The following SGCZ variants were observed in gnomAD, a reference collection of about 807,000 sequenced individuals.
SGCZ encodes the protein sarcoglycan zeta, also known as zeta-sarcoglycan.
Under a neutral mutation model 41.3 loss-of-function variants are expected in SGCZ, and 40 were observed. The ratio of observed to expected loss-of-function variants is 0.97; its 90% CI spans 0.75 to 1.26. The LOEUF is 1.26. Ranked by LOEUF, SGCZ falls within the 50% of genes most tolerant of loss-of-function variation. The probability of loss-of-function intolerance (pLI) is 0.00; values close to 1 mark genes in which losing one functional copy is unlikely to be tolerated. For synonymous variants in SGCZ, 206 were observed against 137.5 expected (o/e 1.50, Z -3.49); for missense variants, 552 against 369.8 (o/e 1.49, Z -4.04).
chr8:15,145,489 C>T (rs373900823), intron 1 of SGCZ, among the ~76,000 whole-genome samples: 2 of 152,112 alleles, frequency 1.3e-5, no homozygotes, highest in African/African-American at 4.8e-5. Flanking sequence ...TTTTTTTACA[C>T]AGTTTCTCAC....
chr8:14,763,113 C>A (rs895613028), intron 1 of SGCZ, among the ~76,000 whole-genome samples: 1 of 152,114 alleles, frequency 6.6e-6, no homozygotes, highest in Non-Finnish European at 1.5e-5. Context: ...TTCCTAAGTT[C>A]TTTAAAATGT....
At chr8:14,373,996 T>A (rs575143048) in intron 2 of SGCZ, among the ~76,000 whole-genome samples, 1 of 152,022 alleles carries the variant, frequency 6.6e-6, no homozygotes, top group East Asian at 1.9e-4. Flanking sequence ...AATAAAAAAA[T>A]ACACAGATAT....
At chr8:14,707,301 A>G (rs1809364558) in intron 1 of SGCZ, among the ~76,000 whole-genome samples, 1 of 151,732 alleles carries the variant, frequency 6.6e-6, no homozygotes, top group Admixed American at 6.6e-5. Flanking sequence ...TTTTTTAAAA[A>G]GTCAGTGAGC....
At chr8:14,704,694 G>C (rs150586842) in intron 1 of SGCZ, among the ~76,000 whole-genome samples, 154 of 151,846 alleles carry the variant, frequency 1.0e-3, no homozygotes, top group African/African-American at 3.4e-3. Flanking sequence ...GCATATACTT[G>C]TATAAAATGC....
intron 4 of SGCZ, among the ~76,000 whole-genome samples, chr8:14,216,511 G>C (rs1805998638): frequency 6.6e-6 from 1 of 152,126 alleles, no homozygotes; most frequent in Non-Finnish European, 1.5e-5. Flanking sequence ...GATGCAAAAA[G>C]TTTTCAACAA....
At chr8:14,498,715 C>T (rs970026327) in intron 2 of SGCZ, among the ~76,000 whole-genome samples, 2 of 151,914 alleles carry the variant, frequency 1.3e-5, no homozygotes, top group Middle Eastern at 3.2e-3. Context: ...TATGTTATTA[C>T]TTATTTGTGT....
intron 1 of SGCZ, among the ~76,000 whole-genome samples, chr8:14,638,643 G>C (rs1806914451): frequency 6.6e-6 from 1 of 151,646 alleles, no homozygotes; most frequent in Non-Finnish European, 1.5e-5. Context: ...CCTTTTCTCA[G>C]GACTATGAAC....
chr8:14,806,380 A>T (rs1801529878), intron 1 of SGCZ, among the ~76,000 whole-genome samples: 1 of 150,856 alleles, frequency 6.6e-6, no homozygotes, highest in Non-Finnish European at 1.5e-5. Flanking sequence ...TAGACACAAT[A>T]AAAAATGATA....
chr8:14,912,008 T>C (rs1040219493), intron 1 of SGCZ, among the ~76,000 whole-genome samples: 4 of 152,030 alleles, frequency 2.6e-5, no homozygotes, highest in Non-Finnish European at 5.9e-5. Context: ...TCTTTGTCCC[T>C]ATATTCAAGG....
chr8:14,976,026 A>G (rs890203711), intron 1 of SGCZ, among the ~76,000 whole-genome samples: 1 of 143,278 alleles, frequency 7.0e-6, no homozygotes, highest in African/African-American at 2.5e-5. Flanking sequence ...ACACATATAT[A>G]TTTTTTTTTT....
In SGCZ at chr8:14,577,399, T is replaced by C. The variant is rs527432615; in HGVS notation, c.40-22473A>G. On this transcript the variant is annotated intron_variant, in intron 1 of 7. Coordinates refer to ENST00000382080, the MANE Select transcript of SGCZ (RefSeq NM_139167.4). The stretch of plus-strand genomic sequence containing the variant: ...AGAAATATATCTTTTTTTTTTTTTT[T>C]TTTTTTTGAGACAGAGTCTCACTCC... Among the ~76,000 whole-genome samples, 27 of 148,492 alleles carry C rather than the reference T, an allele frequency of 1.8e-4. No individual in the cohort carries two copies. In the South Asian group the frequency reaches 5.7e-3, roughly 31 times the overall value.
At chr8:14,255,163 C>G (rs1799416217) in intron 3 of SGCZ, among the ~76,000 whole-genome samples, 1 of 152,108 alleles carries the variant, frequency 6.6e-6, no homozygotes, top group South Asian at 2.1e-4. Context: ...CTTATCAGCC[C>G]TCATTCCTGG....
Position 14,753,376 on chromosome 8 carries a change from A to C in SGCZ, c.40-198450T>G, listed in dbSNP as rs555883922. Among the ~76,000 whole-genome samples the C allele has an allele frequency of 7.2e-5, 11 of 152,274 alleles. No homozygotes were observed. The South Asian group carries it at 2.3e-3, about 32-fold the overall frequency. Reference sequence around the variant, plus strand: ...ATGCACACTTTTAAACAAATATCTCATCTTCGGCCAGGTTTTATTAACAAC... The same window carrying C: ...ATGCACACTTTTAAACAAATATCTCCTCTTCGGCCAGGTTTTATTAACAAC... On this transcript the variant is annotated intron_variant, in intron 1 of 7. Coordinates refer to ENST00000382080, the MANE Select transcript of SGCZ (RefSeq NM_139167.4).
chr8:14,169,299 C>G (rs1156594090), intron 4 of SGCZ, among the ~76,000 whole-genome samples: 2 of 152,124 alleles, frequency 1.3e-5, no homozygotes, highest in Non-Finnish European at 2.9e-5. Flanking sequence ...CTCCCAGTAC[C>G]CCATCCTCCT....
At chr8:15,060,381 A>T (rs572487024) in intron 1 of SGCZ, among the ~76,000 whole-genome samples, 121 of 151,988 alleles carry the variant, frequency 8.0e-4, no homozygotes, top group Non-Finnish European at 1.5e-3. Flanking sequence ...GACATGGATG[A>T]AGCTGGAAAC....
intron 3 of SGCZ, among the ~76,000 whole-genome samples, chr8:14,294,240 G>A (rs920712616): frequency 4.6e-5 from 7 of 151,892 alleles, no homozygotes; most frequent in African/African-American, 1.7e-4. Context: ...ATATATTTAT[G>A]TATATATTTA....
chr8:14,710,526 C>CA (rs1389239329), intron 1 of SGCZ, among the ~76,000 whole-genome samples: 4 of 151,892 alleles, frequency 2.6e-5, no homozygotes, highest in Admixed American at 2.0e-4. Flanking sequence ...TTAGAAATTC[C>CA]AGTCTTTATA....
chr8:14,811,063 C>T (rs1005030245), intron 1 of SGCZ, among the ~76,000 whole-genome samples: 1 of 151,842 alleles, frequency 6.6e-6, no homozygotes. Flanking sequence ...TAGAAGAAAG[C>T]TAAGCTTATA....
intron 1 of SGCZ, among the ~76,000 whole-genome samples, chr8:14,933,745 G>A (rs975253757): frequency 6.6e-6 from 1 of 151,844 alleles, no homozygotes; most frequent in Non-Finnish European, 1.5e-5. Context: ...AGCCACCGCG[G>A]CCAGCCTGCA....
Sources: allele counts gnomAD v4.1 joint callset (sites outside exome capture counted in the v4.1 genomes callset), GRCh38; gene constraint gnomAD v4.1.1; transcripts MANE v1.5; gene names NCBI Gene and HGNC (gene_info 2026-07-23, HGNC 2026-07-21).